Variants in NOX4 observed in about 807,000 individuals in gnomAD.
The protein encoded by NOX4 is NADPH oxidase 4.
In NOX4, 69 loss-of-function variants were observed where a neutral mutation model predicts 87.6. That is an observed-to-expected ratio of 0.79 (90% CI 0.65 to 0.96). The LOEUF is 0.96. Ranked by LOEUF, NOX4 falls within the 40% of genes least tolerant of loss-of-function variation. NOX4 has a pLI of 0.00. For synonymous variants in NOX4, 275 were observed against 238.2 expected (o/e 1.15, Z -1.42); for missense variants, 680 against 681.5 (o/e 1.00, Z 0.02).
chr11:89,346,498 C>T (rs1387080385), intron 13 of NOX4, among the ~76,000 whole-genome samples: 1 of 149,110 alleles, frequency 6.7e-6, no homozygotes, highest in Admixed American at 6.7e-5. Flanking sequence ...AAATAAACAA[C>T]AAAAATCCCT....
chr11:89,349,200 T>C (rs1946343922), intron 13 of NOX4, among the ~76,000 whole-genome samples: 7 of 151,934 alleles, frequency 4.6e-5, no homozygotes, highest in Admixed American at 4.6e-4. Context: ...GGCAGAAGAA[T>C]TGCTTGAACC....
chr11:89,524,862 G>A, the NOX4 span, among the ~76,000 whole-genome samples: 1 of 151,802 alleles, frequency 6.6e-6, no homozygotes, highest in African/African-American at 2.4e-5. Context: ...CCAATTAATT[G>A]TTCCCACCCT....
chr11:89,422,015 C>T, intron 7 of NOX4, 33 bp from the exon 8 acceptor site: 3 of 1,091,964 alleles, frequency 2.7e-6, no homozygotes, highest in Non-Finnish European at 4.0e-6. Context: ...TTTAATGCTA[C>T]TTTACATTCC....
At chr11:89,486,642 GTGTGTATATA>G (rs1238495997) in intron 2 of NOX4, among the ~76,000 whole-genome samples, 5 of 112,204 alleles carry the variant, frequency 4.5e-5, no homozygotes, top group Admixed American at 1.7e-4. Context: ...ACATATATAT[GTGTGTATATA>G]TGTGTATATA....
At chr11:89,486,464 ATGTGTG>A (rs4002196) in intron 2 of NOX4, among the ~76,000 whole-genome samples, 26 of 141,426 alleles carry the variant, frequency 1.8e-4, no homozygotes, top group South Asian at 4.4e-4. Context: ...CAGCTAATAT[ATGTGTG>A]TGTGTGTGTG....
At chr11:89,400,939 T>C (rs1293100727) in intron 9 of NOX4, among the ~76,000 whole-genome samples, 1 of 151,754 alleles carries the variant, frequency 6.6e-6, no homozygotes, top group Non-Finnish European at 1.5e-5. Context: ...TTATATAATA[T>C]AATAAGAACA....
At chr11:89,419,470 T>C (rs1031364535) in intron 8 of NOX4, among the ~76,000 whole-genome samples, 3 of 151,944 alleles carry the variant, frequency 2.0e-5, no homozygotes, top group Non-Finnish European at 4.4e-5. Context: ...AGTAGTAACA[T>C]TTCTCATACC....
chr11:89,402,257 T>A lies in NOX4; in HGVS notation c.846+69A>T, dbSNP rs577344924. 12 of 1,165,084 alleles carry A rather than the reference T, an allele frequency of 1.0e-5. No individual in the cohort carries two copies. The African/African-American group carries it at 1.4e-4, about 13-fold the overall frequency. 72.2% of individuals were successfully genotyped at this position (1,165,084 alleles called of 1,614,324 possible). On this transcript the variant is annotated intron_variant, in intron 9 of 17. Coordinates refer to ENST00000263317, the MANE Select transcript of NOX4 (RefSeq NM_016931.5). ...ATGAATATATAGCTTGAAAAACACATTTATATGTGATGTTGATCAGTCAAA... is the reference window on the plus strand; with the variant it reads ...ATGAATATATAGCTTGAAAAACACAATTATATGTGATGTTGATCAGTCAAA...
chr11:89,569,429 A>G, the NOX4 span, among the ~76,000 whole-genome samples: 1 of 152,194 alleles, frequency 6.6e-6, no homozygotes, highest in Admixed American at 6.5e-5. Context: ...GAAAAGATAT[A>G]CACTCAGCCA....
rs778162892 is a variant in NOX4, at chr11:89,340,135, GTA to G, written c.1372_1373del (p.Tyr458LeufsTer23). On this transcript the variant is annotated frameshift_variant, in exon 15 of 18. Coordinates refer to ENST00000263317, the MANE Select transcript of NOX4 (RefSeq NM_016931.5). LOFTEE classifies it high-confidence loss of function. ...GGATATCTCTGCATACCCAAATAAA[GTA>G]TAGTCTTCTAAGCTTGTATGGTTTC... ...DWKPYKLRRL[Y>X]FIWVCRDIQS... 7 of 1,592,924 alleles carry G rather than the reference GTA, an allele frequency of 4.4e-6. No individual in the cohort carries two copies. In the African/African-American group the frequency reaches 8.2e-5, roughly 19 times the overall value.
At chr11:89,431,356 G>T (rs1440017619) in intron 7 of NOX4, among the ~76,000 whole-genome samples, 1 of 152,056 alleles carries the variant, frequency 6.6e-6, no homozygotes, top group Non-Finnish European at 1.5e-5. Flanking sequence ...TTGAAAATGG[G>T]ATCTAATTAA....
At chr11:89,329,832 C>G (rs181538155) in intron 17 of NOX4, among the ~76,000 whole-genome samples, 1 of 151,774 alleles carries the variant, frequency 6.6e-6, no homozygotes, top group East Asian at 1.9e-4. Context: ...TGTATACAAA[C>G]AAAACCTGAA....
intron 4 of NOX4, 133 bp downstream of exon 4, chr11:89,449,307 A>C: frequency 1.6e-6 from 1 of 609,544 alleles, no homozygotes; most frequent in Non-Finnish European, 2.9e-6. Context: ...AATTACCCCA[A>C]ATTGTCATCA....
intron 2 of NOX4, among the ~76,000 whole-genome samples, chr11:89,481,347 A>ATT (rs1325257484): frequency 1.3e-5 from 2 of 151,172 alleles, no homozygotes; most frequent in African/African-American, 4.9e-5. Flanking sequence ...ACTAATTACC[A>ATT]TTATTTAATA....
the NOX4 span, among the ~76,000 whole-genome samples, chr11:89,520,775 A>G: frequency 6.6e-6 from 1 of 152,170 alleles, no homozygotes; most frequent in Admixed American, 6.6e-5. Context: ...TGATGATATG[A>G]TTCTATCCCT....
At chr11:89,558,556 C>T in the NOX4 span, among the ~76,000 whole-genome samples, 1 of 152,050 alleles carries the variant, frequency 6.6e-6, no homozygotes. Context: ...CTCTTCTGTC[C>T]CTAGATTATT....
chr11:89,353,877 T>C (rs745917332), intron 13 of NOX4, among the ~76,000 whole-genome samples: 3 of 152,178 alleles, frequency 2.0e-5, no homozygotes, highest in Non-Finnish European at 4.4e-5. Flanking sequence ...GAGCAAAGTA[T>C]GCATTCAAGG....
At chr11:89,551,356 G>A in the NOX4 span, among the ~76,000 whole-genome samples, 88 of 152,282 alleles carry the variant, frequency 5.8e-4, no homozygotes, top group Middle Eastern at 3.4e-3. Context: ...ATGGTAGCTT[G>A]ATGGGGATAG....
the NOX4 span, among the ~76,000 whole-genome samples, chr11:89,508,593 G>C: frequency 6.6e-6 from 1 of 152,152 alleles, no homozygotes; most frequent in South Asian, 2.1e-4. Context: ...TTGATATGTT[G>C]AGAGACTGCC....
Sources: gnomAD v4.1 joint callset for allele counts (sites outside exome capture counted in the v4.1 genomes callset) on GRCh38, gnomAD v4.1.1 for gene constraint, MANE v1.5 for transcripts, NCBI Gene and HGNC (gene_info 2026-07-23, HGNC 2026-07-21) for gene names.